Variants in EYS observed in about 807,000 individuals in gnomAD.
EYS encodes the protein EGF-like photoreceptor maintenance factor.
In EYS, 250 loss-of-function variants were observed where a neutral mutation model predicts 282.1. That is an observed-to-expected ratio of 0.89 (90% CI 0.80 to 0.98). The LOEUF is 0.98. Among genes scored for constraint, EYS ranks in the 50% least tolerant of loss-of-function variants. EYS has a pLI of 0.00. For missense variants in EYS, 4,016 were observed against 3,709.0 expected (o/e 1.08, Z -2.15); for synonymous variants, 1,355 against 1,282.9 (o/e 1.06, Z -1.20).
chr6:65,404,791 T>G (rs1766655449), intron 6 of EYS, among the ~76,000 whole-genome samples: 1 of 151,916 alleles, frequency 6.6e-6, no homozygotes, highest in Admixed American at 6.6e-5. Flanking sequence ...TTTAAAGAAT[T>G]AATGACAAAT....
At chr6:65,450,324 G>A (rs1481341516) in intron 5 of EYS, among the ~76,000 whole-genome samples, 2 of 152,086 alleles carry the variant, frequency 1.3e-5, no homozygotes, top group Non-Finnish European at 2.9e-5. Flanking sequence ...CCTAGGTACA[G>A]GGGGAAAAGC....
At chr6:64,372,044 T>G (rs1287649939) in intron 29 of EYS, among the ~76,000 whole-genome samples, 1 of 152,138 alleles carries the variant, frequency 6.6e-6, no homozygotes, top group African/African-American at 2.4e-5. Context: ...ATGTGCAGAT[T>G]TGATCTTGTC....
At chr6:65,513,697 T>C (rs1766993807) in intron 2 of EYS, among the ~76,000 whole-genome samples, 1 of 152,098 alleles carries the variant, frequency 6.6e-6, no homozygotes, top group Non-Finnish European at 1.5e-5. Context: ...AACCACATGA[T>C]TATCTCAATA....
chr6:65,016,399 T>C (rs1422698967), intron 13 of EYS, among the ~76,000 whole-genome samples: 3 of 152,192 alleles, frequency 2.0e-5, no homozygotes, highest in Non-Finnish European at 4.4e-5. Flanking sequence ...AATGTGAAAA[T>C]GCTAAGCATG....
chr6:65,269,689 G>A lies in EYS; in HGVS notation c.2023+26174C>T, dbSNP rs73741284. 2.7e-3 allele frequency among the ~76,000 whole-genome samples: 411 copies of A among 152,240 alleles called. 6 individuals carry two copies. The highest frequency in any genetic ancestry group is 0.01 in the Middle Eastern group (3 of 294). On this transcript the variant is annotated intron_variant, in intron 12 of 42. Coordinates refer to ENST00000503581, the MANE Select transcript of EYS (RefSeq NM_001142800.2). ...GACACTGGAAAATTGAGATGAGGGT[G>A]CCAGGATGGTGGGGATCTGGTGAGG...
chr6:63,984,846 A>G (rs905901721), intron 34 of EYS, among the ~76,000 whole-genome samples: 2 of 151,820 alleles, frequency 1.3e-5, no homozygotes, highest in Non-Finnish European at 2.9e-5. Context: ...GCAGAAAAAT[A>G]GACACTCAGA....
chr6:64,661,396 T>A (rs1243300399), intron 22 of EYS, among the ~76,000 whole-genome samples: 7 of 152,128 alleles, frequency 4.6e-5, no homozygotes, highest in Admixed American at 1.3e-4. Context: ...TGGTATCTAA[T>A]TAAACTAAAA....
intron 5 of EYS, among the ~76,000 whole-genome samples, chr6:65,424,996 C>T (rs1486211561): frequency 6.6e-6 from 1 of 151,962 alleles, no homozygotes; most frequent in African/African-American, 2.4e-5. Context: ...TTATTGCAGA[C>T]ATTTATAATG....
At chr6:64,737,328 TA>T (rs1417700828) in intron 22 of EYS, among the ~76,000 whole-genome samples, 1 of 152,228 alleles carries the variant, frequency 6.6e-6, no homozygotes, top group African/African-American at 2.4e-5. Context: ...TCTACTTTAG[TA>T]AAAGACCAAG....
At chr6:64,160,412 C>G (rs1775068551) in intron 31 of EYS, among the ~76,000 whole-genome samples, 1 of 152,086 alleles carries the variant, frequency 6.6e-6, no homozygotes, top group Non-Finnish European at 1.5e-5. Flanking sequence ...CTATTGAACA[C>G]CAGATTGGTT....
At chr6:65,242,892 T>G (rs1373240764) in intron 12 of EYS, among the ~76,000 whole-genome samples, 2 of 152,162 alleles carry the variant, frequency 1.3e-5, no homozygotes, top group Non-Finnish European at 2.9e-5. Flanking sequence ...TATTTTTGTG[T>G]GCTTACAGGC....
chr6:64,028,186 G>C (rs1169370402), intron 33 of EYS, among the ~76,000 whole-genome samples: 1 of 152,150 alleles, frequency 6.6e-6, no homozygotes, highest in Non-Finnish European at 1.5e-5. Flanking sequence ...CTTGAGGAGG[G>C]AATCAATCCT....
At chr6:64,195,790 A>C (rs530376218) in intron 31 of EYS, among the ~76,000 whole-genome samples, 82 of 152,292 alleles carry the variant, frequency 5.4e-4, no homozygotes, top group Middle Eastern at 6.8e-3. Context: ...AGTGTATTAA[A>C]ATTTAAACAT....
intron 36 of EYS, among the ~76,000 whole-genome samples, chr6:63,812,404 C>G (rs1460110975): frequency 1.3e-5 from 2 of 152,182 alleles, no homozygotes; most frequent in Admixed American, 6.5e-5. Flanking sequence ...GTATTAATCT[C>G]CTATTAAAGT....
intron 22 of EYS, chr6:64,631,676 C>A (rs568846786): frequency 6.6e-6 from 1 of 152,096 alleles, no homozygotes; most frequent in Admixed American, 6.5e-5. Flanking sequence ...GCACTTGGTT[C>A]ATTTATTAAG....
At chr6:64,506,711 G>A (rs1321983052) in intron 26 of EYS, among the ~76,000 whole-genome samples, 1 of 151,978 alleles carries the variant, frequency 6.6e-6, no homozygotes, top group South Asian at 2.1e-4. Flanking sequence ...AGGAGATGGA[G>A]ACCATCCTGG....
At chr6:63,960,304 G>A (rs1206249467) in intron 35 of EYS, among the ~76,000 whole-genome samples, 2 of 152,182 alleles carry the variant, frequency 1.3e-5, no homozygotes, top group Non-Finnish European at 2.9e-5. Flanking sequence ...ACTAGAATTA[G>A]AAATGGAGCC....
chr6:64,408,539 C>T (rs538503745), intron 28 of EYS, among the ~76,000 whole-genome samples: 1 of 152,104 alleles, frequency 6.6e-6, no homozygotes, highest in Non-Finnish European at 1.5e-5. Context: ...AGCTGGGGTA[C>T]AGGGATAGTA....
At chr6:65,686,833 G>T (rs1279886389) in intron 1 of EYS, among the ~76,000 whole-genome samples, 1 of 151,944 alleles carries the variant, frequency 6.6e-6, no homozygotes, top group Non-Finnish European at 1.5e-5. Flanking sequence ...CCTGAAGCTG[G>T]GTATTGACAC....
Sources: gnomAD v4.1 joint callset for allele counts (sites outside exome capture counted in the v4.1 genomes callset) on GRCh38, gnomAD v4.1.1 for gene constraint, MANE v1.5 for transcripts, NCBI Gene and HGNC (gene_info 2026-07-23, HGNC 2026-07-21) for gene names.